NRXN1: variants seen among roughly 807,000 people sequenced by gnomAD.
NRXN1 encodes neurexin 1, also known as neurexin-1.
Under a neutral mutation model 150.9 loss-of-function variants are expected in NRXN1, and 39 were observed. The ratio of observed to expected loss-of-function variants is 0.26; its 90% CI spans 0.20 to 0.34. The LOEUF (loss-of-function observed/expected upper bound fraction) is 0.34. Ranked by LOEUF, NRXN1 falls within the 10% of genes least tolerant of loss-of-function variation. The pLI is 1.00. For missense variants in NRXN1, 1,815 were observed against 1,949.9 expected (o/e 0.93, Z 1.30); for synonymous variants, 924 against 757.0 (o/e 1.22, Z -3.62).
intron 10 of NRXN1, among the ~76,000 whole-genome samples, chr2:50,531,651 G>T (rs1490388386): frequency 1.3e-5 from 2 of 152,046 alleles, no homozygotes; most frequent in Non-Finnish European, 2.9e-5. Flanking sequence ...CAGAAACAGA[G>T]ATATCAGCAG....
At chr2:50,378,633 GC>G (rs1393847578) in intron 17 of NRXN1, among the ~76,000 whole-genome samples, 1 of 152,090 alleles carries the variant, frequency 6.6e-6, no homozygotes, top group Non-Finnish European at 1.5e-5. Flanking sequence ...TAAATTGGGG[GC>G]TTTTTGTAAT....
At chr2:50,965,430 G>A (rs1328942992) in intron 2 of NRXN1, among the ~76,000 whole-genome samples, 2 of 150,684 alleles carry the variant, frequency 1.3e-5, no homozygotes. Flanking sequence ...AAAAAATTAG[G>A]GGGAACATTT....
At chr2:50,040,756 C>T (rs1416653909) in intron 21 of NRXN1, among the ~76,000 whole-genome samples, 2 of 152,056 alleles carry the variant, frequency 1.3e-5, no homozygotes, top group Non-Finnish European at 2.9e-5. Flanking sequence ...TGGGAGTAAT[C>T]TGTTACTAGT....
intron 17 of NRXN1, among the ~76,000 whole-genome samples, chr2:50,400,449 G>T (rs1470320273): frequency 6.6e-6 from 1 of 151,992 alleles, no homozygotes; most frequent in Non-Finnish European, 1.5e-5. Context: ...AATAAAGTGG[G>T]AACATGATTA....
chr2:50,464,700 C>A (rs768224007), intron 17 of NRXN1, among the ~76,000 whole-genome samples: 1 of 151,862 alleles, frequency 6.6e-6, no homozygotes, highest in African/African-American at 2.4e-5. Context: ...TAGCAGAATG[C>A]AATGTTTTGT....
At chr2:50,018,308 G>A (rs1686982065) in intron 21 of NRXN1, among the ~76,000 whole-genome samples, 2 of 152,150 alleles carry the variant, frequency 1.3e-5, no homozygotes, top group East Asian at 1.9e-4. Context: ...TGTATTCAGG[G>A]AAATAGAAGA....
At chr2:50,316,152 TG>T (rs2075587964) in intron 17 of NRXN1, among the ~76,000 whole-genome samples, 1 of 152,074 alleles carries the variant, frequency 6.6e-6, no homozygotes, top group South Asian at 2.1e-4. Context: ...CTATAATATC[TG>T]GATGTCATCT....
At chr2:50,996,306 A>G (rs6731324) in intron 2 of NRXN1, among the ~76,000 whole-genome samples, 2,745 of 152,222 alleles carry the variant, frequency 0.018, 86 homozygotes, top group African/African-American at 0.064. Context: ...TTATCATCTC[A>G]TATCTGCTTC....
At chr2:50,782,878 G>A (rs1007800538) in intron 5 of NRXN1, among the ~76,000 whole-genome samples, 3 of 152,146 alleles carry the variant, frequency 2.0e-5, no homozygotes, top group African/African-American at 7.2e-5. Flanking sequence ...AATAAATGGT[G>A]GCTCTATTGC....
intron 18 of NRXN1, among the ~76,000 whole-genome samples, chr2:50,193,885 T>TA (rs1199901405): frequency 6.6e-6 from 1 of 152,176 alleles, no homozygotes; most frequent in Non-Finnish European, 1.5e-5. Context: ...ATGAACTACT[T>TA]ACAGAAAACA....
intron 12 of NRXN1, among the ~76,000 whole-genome samples, chr2:50,517,339 G>C (rs1314346507): frequency 6.6e-6 from 1 of 152,014 alleles, no homozygotes; most frequent in African/African-American, 2.4e-5. Context: ...ATATGATATA[G>C]CTCAGTGCCT....
At chr2:50,059,993 A>T (rs978336722) in intron 19 of NRXN1, among the ~76,000 whole-genome samples, 1 of 152,212 alleles carries the variant, frequency 6.6e-6, no homozygotes, top group African/African-American at 2.4e-5. Context: ...CCCCACACAG[A>T]GTCTCCACTG....
intron 17 of NRXN1, among the ~76,000 whole-genome samples, chr2:50,343,912 T>C (rs1186092769): frequency 6.6e-6 from 1 of 152,246 alleles, no homozygotes; most frequent in Admixed American, 6.5e-5. Context: ...CTAGTTCATT[T>C]GTTCATCTAG....
At position 50,060,614 on chromosome 2, in the gene NRXN1, G is replaced by C. The variant is rs762151105; in HGVS notation, c.3719-5570C>G. On this transcript the variant is annotated intron_variant, in intron 19 of 22. Transcript: ENST00000401669. ...CACCCAAATCTCATCTTGAATTCTAGCTCCCATAATCCCCATGTGTCATGG... is the reference window on the plus strand; with the variant it reads ...CACCCAAATCTCATCTTGAATTCTACCTCCCATAATCCCCATGTGTCATGG... Among the ~76,000 whole-genome samples the C allele has an allele frequency of 9.9e-5, 15 of 152,100 alleles. 1 individual carries two copies. The highest frequency in any genetic ancestry group is 3.9e-4 in the Admixed American group (6 of 15,266).
At chr2:50,759,756 T>C (rs1312103336) in intron 5 of NRXN1, among the ~76,000 whole-genome samples, 3 of 151,768 alleles carry the variant, frequency 2.0e-5, no homozygotes, top group Non-Finnish European at 4.4e-5. Flanking sequence ...AGAACCACTG[T>C]GGCCAAGAAT....
intron 17 of NRXN1, among the ~76,000 whole-genome samples, chr2:50,352,973 A>C (rs1299751784): frequency 6.6e-6 from 1 of 151,946 alleles, no homozygotes; most frequent in Non-Finnish European, 1.5e-5. Flanking sequence ...AGATTGGTGA[A>C]TTCAGTCAAC....
In NRXN1 at chr2:50,678,997, G is replaced by A. The variant is rs183351300; in HGVS notation, c.833-55382C>T. Among the ~76,000 whole-genome samples the A allele has an allele frequency of 2.6e-5, 4 of 152,126 alleles. No homozygotes were observed. The East Asian group carries it at 5.8e-4, about 22-fold the overall frequency. On this transcript the variant is annotated intron_variant, in intron 5 of 22. Transcript: ENST00000401669. Reference sequence around the variant, plus strand: ...TGTACGGTCAGAGTTGGGAAGGAAGGAATTGTCTACTTGTTACAAGGTGCA... The same window carrying A: ...TGTACGGTCAGAGTTGGGAAGGAAGAAATTGTCTACTTGTTACAAGGTGCA...
intron 5 of NRXN1, among the ~76,000 whole-genome samples, chr2:50,899,784 C>T (rs746535616): frequency 6.6e-6 from 1 of 152,054 alleles, no homozygotes; most frequent in African/African-American, 2.4e-5. Context: ...TGTTATAGAA[C>T]TTTTGATATC....
chr2:50,287,595 T>C (rs2152939752), intron 17 of NRXN1, among the ~76,000 whole-genome samples: 1 of 152,148 alleles, frequency 6.6e-6, no homozygotes, highest in South Asian at 2.1e-4. Context: ...TCTCTCAAGA[T>C]GTTTGCTTTC....
Sources: allele counts gnomAD v4.1 joint callset (sites outside exome capture counted in the v4.1 genomes callset), GRCh38; gene constraint gnomAD v4.1.1; transcripts MANE v1.5; gene names NCBI Gene and HGNC (gene_info 2026-07-23, HGNC 2026-07-21).